Variants in SORCS3 observed in about 807,000 individuals in gnomAD.
The protein encoded by SORCS3 is sortilin related VPS10 domain containing receptor 3, also known as VPS10 domain-containing receptor SorCS3.
In SORCS3, 57 loss-of-function variants were observed where a neutral mutation model predicts 146.3. The observed-to-expected ratio is 0.39, with a 90% CI of 0.31 to 0.49. SORCS3 has a LOEUF of 0.49. Ranked by LOEUF, SORCS3 falls within the 20% of genes least tolerant of loss-of-function variation. The pLI, the probability that SORCS3 is intolerant of heterozygous loss-of-function variation, is 0.92. For synonymous variants in SORCS3, 653 were observed against 618.5 expected, an observed-to-expected ratio of 1.06 and a Z score of -0.83; for missense variants, 1,341 against 1,575.5, an observed-to-expected ratio of 0.85 and a Z score of 2.52.
chr10:104,979,444 G>C (rs1041891157), intron 4 of SORCS3, among the ~76,000 whole-genome samples: 10 of 152,158 alleles, frequency 6.6e-5, no homozygotes, highest in Non-Finnish European at 1.2e-4. Flanking sequence ...TCTGAGCACT[G>C]TCTTACATAG....
At chr10:105,206,030 C>T (rs1330669173) in intron 16 of SORCS3, among the ~76,000 whole-genome samples, 1 of 152,138 alleles carries the variant, frequency 6.6e-6, no homozygotes, top group East Asian at 1.9e-4. Flanking sequence ...GGGGGTGTCA[C>T]AGCACATACA....
At chr10:104,693,904 A>G (rs2016143586) in intron 1 of SORCS3, among the ~76,000 whole-genome samples, 1 of 152,096 alleles carries the variant, frequency 6.6e-6, no homozygotes, top group Admixed American at 6.6e-5. Flanking sequence ...TATTTTTGGT[A>G]ATTTATTATA....
chr10:104,793,961 A>G (rs544456036), intron 1 of SORCS3, among the ~76,000 whole-genome samples: 23 of 152,288 alleles, frequency 1.5e-4, no homozygotes, highest in African/African-American at 5.3e-4. Context: ...TTCGGGAATG[A>G]CCAAAATTTA....
chr10:105,118,434 T>C (rs2055908102), intron 7 of SORCS3, among the ~76,000 whole-genome samples: 1 of 152,208 alleles, frequency 6.6e-6, no homozygotes, highest in Admixed American at 6.5e-5. Flanking sequence ...CAGTTCTTTA[T>C]AGCAGTGTGA....
intron 22 of SORCS3, among the ~76,000 whole-genome samples, chr10:105,248,512 G>A (rs1433036064): frequency 2.0e-5 from 3 of 152,064 alleles, no homozygotes; most frequent in African/African-American, 7.2e-5. Context: ...TCAAGAGATC[G>A]AGACCATCCT....
chr10:104,710,225 G>A (rs1242794357), intron 1 of SORCS3, among the ~76,000 whole-genome samples: 1 of 152,086 alleles, frequency 6.6e-6, no homozygotes, highest in Admixed American at 6.5e-5. Flanking sequence ...ATTTTCCTTT[G>A]CCCTATAGCC....
At chr10:104,806,198 C>A (rs1470801500) in intron 1 of SORCS3, among the ~76,000 whole-genome samples, 1 of 152,194 alleles carries the variant, frequency 6.6e-6, no homozygotes, top group Non-Finnish European at 1.5e-5. Flanking sequence ...ACAGGATATT[C>A]CTGACTAACC....
chr10:105,064,596 C>G (rs1028912685), intron 5 of SORCS3, among the ~76,000 whole-genome samples: 12 of 150,520 alleles, frequency 8.0e-5, no homozygotes, highest in African/African-American at 2.9e-4. Flanking sequence ...AGAACCTGGG[C>G]GGGGGGTTGC....
intron 1 of SORCS3, among the ~76,000 whole-genome samples, chr10:104,748,476 GAAAGAT>G (rs2016941886): frequency 6.6e-6 from 1 of 152,118 alleles, no homozygotes; most frequent in Non-Finnish European, 1.5e-5. Flanking sequence ...AAATTTAATG[GAAAGAT>G]ACTGTAGGTA....
intron 1 of SORCS3, among the ~76,000 whole-genome samples, chr10:104,698,173 C>T (rs749921387): frequency 2.0e-5 from 3 of 152,112 alleles, no homozygotes; most frequent in Non-Finnish European, 2.9e-5. Context: ...TTTTGTATTG[C>T]ATTCTTGTGA....
At chr10:105,249,963 T>G (rs1258041670) in intron 22 of SORCS3, among the ~76,000 whole-genome samples, 1 of 152,190 alleles carries the variant, frequency 6.6e-6, no homozygotes, top group East Asian at 1.9e-4. Context: ...CTGTTTGGGC[T>G]GCTATAACAA....
intron 4 of SORCS3, among the ~76,000 whole-genome samples, chr10:104,987,737 C>T (rs73351635): frequency 0.053 from 8,125 of 152,078 alleles, 251 homozygotes; most frequent in Middle Eastern, 0.082. Flanking sequence ...TTATTCAGAA[C>T]GCACCCACCA....
chr10:105,138,436 T>C (rs1203825326), intron 7 of SORCS3, among the ~76,000 whole-genome samples: 1 of 152,224 alleles, frequency 6.6e-6, no homozygotes, highest in East Asian at 1.9e-4. Flanking sequence ...CTGGCCTGTC[T>C]CCAGCCTGTG....
At chr10:105,231,217 A>G (rs997116251) in intron 20 of SORCS3, among the ~76,000 whole-genome samples, 1 of 152,118 alleles carries the variant, frequency 6.6e-6, no homozygotes, top group Non-Finnish European at 1.5e-5. Flanking sequence ...TCTAGTCACT[A>G]TTTTTGTTTC....
intron 14 of SORCS3, among the ~76,000 whole-genome samples, chr10:105,185,960 C>T (rs1263771540): frequency 6.6e-6 from 1 of 152,072 alleles, no homozygotes; most frequent in Non-Finnish European, 1.5e-5. Context: ...CCATCTGGTC[C>T]AGGCACTTTT....
At chr10:105,106,664 C>T (rs865862118) in intron 7 of SORCS3, among the ~76,000 whole-genome samples, 1 of 152,146 alleles carries the variant, frequency 6.6e-6, no homozygotes. Context: ...AACTTAGTTA[C>T]ATAGATTTTT....
chr10:105,095,649 T>A (rs1483054408), intron 6 of SORCS3, among the ~76,000 whole-genome samples: 1 of 150,042 alleles, frequency 6.7e-6, no homozygotes, highest in Admixed American at 6.7e-5. Context: ...CTCTTTCTGC[T>A]CAATCTCCAT....
At chr10:105,091,753 A>G (rs1278991466) in intron 6 of SORCS3, among the ~76,000 whole-genome samples, 4 of 152,170 alleles carry the variant, frequency 2.6e-5, no homozygotes, top group Admixed American at 6.6e-5. Context: ...TCAAAATTAT[A>G]TTATCCAATT....
chr10:104,675,208 A>C (rs1046413559), intron 1 of SORCS3, among the ~76,000 whole-genome samples: 1 of 152,140 alleles, frequency 6.6e-6, no homozygotes, highest in African/African-American at 2.4e-5. Context: ...AATTACTGAG[A>C]TGTTGAGCAT....
Sources: gnomAD v4.1 joint callset for allele counts (sites outside exome capture counted in the v4.1 genomes callset) on GRCh38, gnomAD v4.1.1 for gene constraint, MANE v1.5 for transcripts, NCBI Gene and HGNC (gene_info 2026-07-23, HGNC 2026-07-21) for gene names.